The following DCC variants were observed in gnomAD, a reference collection of about 807,000 sequenced individuals.
The protein encoded by DCC is netrin receptor DCC.
A neutral mutation model predicts 172.5 loss-of-function variants in DCC; 58 were observed. That is an observed-to-expected ratio of 0.34 (90% CI 0.27 to 0.42). The LOEUF is 0.42. Ranked by LOEUF, DCC falls within the 10% of genes least tolerant of loss-of-function variation. The probability of loss-of-function intolerance (pLI) is 1.00; values close to 1 mark genes in which losing one functional copy is unlikely to be tolerated. For missense variants in DCC, 1,740 were observed against 1,791.0 expected, an observed-to-expected ratio of 0.97 and a Z score of 0.51; for synonymous variants, 709 against 644.5, an observed-to-expected ratio of 1.10 and a Z score of -1.52.
At chr18:53,025,899 T>C (rs539655169) in intron 5 of DCC, among the ~76,000 whole-genome samples, 140 of 151,820 alleles carry the variant, frequency 9.2e-4, no homozygotes, top group Non-Finnish European at 1.8e-3. Flanking sequence ...TAAAATGTGG[T>C]GTAAAATAAA....
intron 2 of DCC, among the ~76,000 whole-genome samples, chr18:52,883,923 A>G (rs750191177): frequency 1.4e-4 from 21 of 151,558 alleles, no homozygotes; most frequent in Non-Finnish European, 2.2e-4. Context: ...TTGTGTATCT[A>G]GGATGGGCTT....
At chr18:53,412,781 G>T (rs1427828474) in intron 20 of DCC, among the ~76,000 whole-genome samples, 1 of 152,058 alleles carries the variant, frequency 6.6e-6, no homozygotes, top group East Asian at 1.9e-4. Flanking sequence ...TGGTCTTTTT[G>T]ATATTAACAA....
intron 1 of DCC, among the ~76,000 whole-genome samples, chr18:52,658,893 A>ACCAGATT (rs74178679): frequency 0.18 from 27,052 of 151,996 alleles, 2,420 homozygotes; most frequent in African/African-American, 0.19. Flanking sequence ...AAATGTTTTT[A>ACCAGATT]CCTTTGATCC....
At chr18:53,179,299 C>G (rs1485802969) in intron 9 of DCC, among the ~76,000 whole-genome samples, 183 bp downstream of exon 9, 1 of 152,190 alleles carries the variant, frequency 6.6e-6, no homozygotes, top group Non-Finnish European at 1.5e-5. Context: ...GGCCTCTTCA[C>G]TTAGGCCACA....
Position 53,428,983 on chromosome 18 carries a change from A to T in DCC, c.3164-6161A>T, listed in dbSNP as rs1174866943. ...TATATTTTATATATAACATATATAT[A>T]TTTTATATATTTTTTATATAATATA... On this transcript the variant is annotated intron_variant, in intron 21 of 28. Transcript: ENST00000442544. Among the ~76,000 whole-genome samples the T allele has an allele frequency of 2.8e-4, 22 of 77,318 alleles. 2 individuals carry two copies. Among genetic ancestry groups the T allele is most frequent in the African/African-American group, 8.3e-4 (16 of 19,194 alleles). 50.7% of individuals were successfully genotyped at this position (77,318 alleles called of 152,430 possible).
intron 1 of DCC, among the ~76,000 whole-genome samples, chr18:52,750,565 A>C (rs940620636): frequency 5.9e-5 from 9 of 152,216 alleles, no homozygotes; most frequent in Non-Finnish European, 8.8e-5. Context: ...TATGACAGTG[A>C]GCGACACAAG....
intron 1 of DCC, among the ~76,000 whole-genome samples, chr18:52,501,915 T>A (rs568107157): frequency 6.6e-6 from 1 of 152,344 alleles, no homozygotes; most frequent in South Asian, 2.1e-4. Flanking sequence ...ACACGGATAG[T>A]GCAGTTAAAA....
At chr18:52,783,327 T>A (rs965180365) in intron 2 of DCC, among the ~76,000 whole-genome samples, 31 of 14,294 alleles carry the variant, frequency 2.2e-3, no homozygotes, top group South Asian at 6.4e-3. Flanking sequence ...ACTACTCTTT[T>A]TTTTTTTTTT....
chr18:52,606,101 G>T (rs1321421100), intron 1 of DCC, among the ~76,000 whole-genome samples: 1 of 152,026 alleles, frequency 6.6e-6, no homozygotes, highest in Admixed American at 6.6e-5. Flanking sequence ...GCCTGGAAGT[G>T]ACCCATAGTA....
At chr18:52,526,736 A>G (rs375015516) in intron 1 of DCC, among the ~76,000 whole-genome samples, 3 of 152,170 alleles carry the variant, frequency 2.0e-5, no homozygotes, top group Non-Finnish European at 4.4e-5. Flanking sequence ...ACAGAAGGAC[A>G]TGGGCTTTTA....
At chr18:52,885,250 A>C (rs986471987) in intron 2 of DCC, among the ~76,000 whole-genome samples, 1 of 152,096 alleles carries the variant, frequency 6.6e-6, no homozygotes, top group Non-Finnish European at 1.5e-5. Context: ...CAGAGTGGCA[A>C]CTTCCCTCAG....
chr18:53,004,582 A>C (rs1390387550), intron 5 of DCC, among the ~76,000 whole-genome samples: 1 of 152,228 alleles, frequency 6.6e-6, no homozygotes, highest in Non-Finnish European at 1.5e-5. Context: ...TCCCCACACA[A>C]CAATAATACC....
chr18:53,181,103 A>C (rs1182586177), intron 9 of DCC, among the ~76,000 whole-genome samples: 1 of 152,198 alleles, frequency 6.6e-6, no homozygotes, highest in East Asian at 1.9e-4. Context: ...CTCTTGAAAA[A>C]TTCCTTAAAG....
chr18:53,254,396 G>T (rs2144664881), intron 12 of DCC, among the ~76,000 whole-genome samples: 1 of 152,110 alleles, frequency 6.6e-6, no homozygotes, highest in East Asian at 1.9e-4. Flanking sequence ...GACTTCTTTA[G>T]CTAGTTTTCT....
At chr18:52,972,892 C>A (rs962410143) in intron 5 of DCC, among the ~76,000 whole-genome samples, 1 of 152,160 alleles carries the variant, frequency 6.6e-6, no homozygotes, top group Non-Finnish European at 1.5e-5. Flanking sequence ...TGAATGGTTC[C>A]ATGCTATGCA....
Position 52,418,163 on chromosome 18 carries a change from A to T in DCC, c.91+77285A>T, listed in dbSNP as rs532300805. ...GGAGCTATTTTTTAATTCATTAAAGACTTCAAAAGCTAGAAATCACAATTC... is the reference window on the plus strand; with the variant it reads ...GGAGCTATTTTTTAATTCATTAAAGTCTTCAAAAGCTAGAAATCACAATTC... On this transcript the variant is annotated intron_variant, in intron 1 of 28. Transcript: ENST00000442544. 1.3e-4 allele frequency among the ~76,000 whole-genome samples: 20 copies of T among 152,336 alleles called. No individual in the cohort carries two copies. The South Asian group carries it at 4.1e-3, about 32-fold the overall frequency.
intron 5 of DCC, among the ~76,000 whole-genome samples, chr18:53,012,594 T>C (rs905407052): frequency 2.6e-5 from 4 of 152,074 alleles, no homozygotes; most frequent in Non-Finnish European, 4.4e-5. Context: ...TGTAGACATA[T>C]ACATAAATAT....
Position 52,927,146 on chromosome 18 carries a change from T to TACGTGTATAC in DCC, c.985+1776_985+1777insACGTGTATAC, listed in dbSNP as rs1568192197. ...ATATACACGTATATACGTGTATATA[T>TACGTGTATAC]GTGTATATATACGTATATATGTGTA... On this transcript the variant is annotated intron_variant, in intron 5 of 28. Transcript: ENST00000442544. Among the ~76,000 whole-genome samples, 33 of 59,104 alleles carry TACGTGTATAC rather than the reference T, an allele frequency of 5.6e-4. 7 individuals carry two copies. Among genetic ancestry groups the TACGTGTATAC allele is most frequent in the Non-Finnish European group, 1.2e-3 (28 of 23,694 alleles). 38.8% of individuals were successfully genotyped at this position (59,104 alleles called of 152,430 possible).
chr18:52,436,101 C>T (rs1987786493), intron 1 of DCC, among the ~76,000 whole-genome samples: 1 of 152,242 alleles, frequency 6.6e-6, no homozygotes, highest in African/African-American at 2.4e-5. Context: ...CACTGATTCT[C>T]TCTTACCCAC....
Sources: allele counts gnomAD v4.1 joint callset (sites outside exome capture counted in the v4.1 genomes callset), GRCh38; gene constraint gnomAD v4.1.1; transcripts MANE v1.5; gene names NCBI Gene and HGNC (gene_info 2026-07-23, HGNC 2026-07-21).